The following CASZ1 variants were observed in gnomAD, a reference collection of about 807,000 sequenced individuals.
CASZ1 encodes the protein zinc finger protein castor homolog 1.
Under a neutral mutation model 135.2 loss-of-function variants are expected in CASZ1, and 28 were observed. That is an observed-to-expected ratio of 0.21 (90% confidence interval 0.15 to 0.28). The LOEUF is 0.28. Ranked by LOEUF, CASZ1 falls within the 10% of genes least tolerant of loss-of-function variation. The pLI is 1.00. For missense variants in CASZ1, 2,161 were observed against 2,453.3 expected (o/e 0.88, Z 2.52); for synonymous variants, 1,068 against 1,073.4 (o/e 0.99, Z 0.10).
Position 10,649,345 on chromosome 1 carries a change from G to T in CASZ1, c.2973C>A (p.Gly991=). ...SPAAEPSPFL[G]KAVKALVQEK... ...CCTGAACCAGCGCCTTCACGGCCTT[G>T]CCTAGGAAGGGCGAGGGCTCCGCAG... Residue 991 remains glycine (G), a synonymous_variant, in exon 14 of 21, where the codon GGC becomes GGA. Coordinates refer to ENST00000377022, the MANE Select transcript of CASZ1 (RefSeq NM_001079843.3). The T allele has an allele frequency of 6.2e-7, 1 of 1,600,696 alleles. No homozygotes were observed. The highest frequency in any genetic ancestry group is 8.5e-7 in the Non-Finnish European group (1 of 1,174,040).
In CASZ1 at chr1:10,648,032, A is replaced by C. The variant is rs1255046983; in HGVS notation, c.3266T>G (p.Val1089Gly). The change falls in exon 16 of 21, where the codon GTC becomes GGC. Residue 1089 changes from valine to glycine, a missense_variant. Val to Gly is a moderately radical substitution (Grantham distance 109). This residue lies in a region of CASZ1 where 349 missense variants were observed against 460.8 expected (regional missense o/e 0.76). Transcript: ENST00000377022. ...CACCGTGGCCGTGGTGACAGGAGGG[A>C]CCGGAGGGGACGAGGGGGCCATGGG... The part of the protein sequence containing the change: ...KPPMAPSSPP[V>G]PPVTTATVSS... The C allele has an allele frequency of 7.5e-6, 12 of 1,597,706 alleles. No individual in the cohort carries two copies. Among genetic ancestry groups the C allele is most frequent in the Non-Finnish European group, 1.0e-5 (12 of 1,172,218 alleles).
chr1:10,659,853 G>A lies in CASZ1; in HGVS notation c.1189C>T (p.Pro397Ser), dbSNP rs754239516. Residue 397 changes from proline to serine, a missense_variant, in exon 6 of 21, where the codon CCC becomes TCC. By Grantham distance (74) the Pro-to-Ser change is moderately conservative (BLOSUM62 -1). Coordinates refer to ENST00000377022, the MANE Select transcript of CASZ1 (RefSeq NM_001079843.3). ...AKVPPTPSLA[P>S]APLASVPSAP... The stretch of plus-strand genomic sequence containing the variant: ...CTGGGCACGCTGGCGAGGGGTGCGG[G>A]AGCCAGGCTGGGGGTGGGCGGAACC... 6.2e-7 allele frequency: 1 copy of A among 1,612,104 alleles called. No individual in the cohort carries two copies. The highest frequency in any genetic ancestry group is 1.1e-5 in the South Asian group (1 of 90,944).
rs1641032341 is a variant in CASZ1 at position 10,794,791 on chromosome 1, G to A, written c.-234+1773C>T. ...GCCCCCAAAGTGTCCCTCCAGCCGT[G>A]ATTGACGGCGCATACACCTGTTCCC... On this transcript the variant is annotated intron_variant, in intron 1 of 20. Transcript: ENST00000377022. This position sits in a 1 kb window ranked among gnomAD's most constrained non-coding sequence, Gnocchi z 5.6. 6.6e-6 allele frequency among the ~76,000 whole-genome samples: 1 copy of A among 152,160 alleles called. No homozygotes were observed. Among genetic ancestry groups the A allele is most frequent in the Non-Finnish European group, 1.5e-5 (1 of 68,022 alleles).
chr1:10,667,709 G>A (rs1643278044), intron 4 of CASZ1, among the ~76,000 whole-genome samples: 1 of 152,164 alleles, frequency 6.6e-6, no homozygotes, highest in Admixed American at 6.5e-5. Flanking sequence ...AAGTGTGGAT[G>A]GCAGACAGCA....
In CASZ1 at chr1:10,727,702, G is replaced by A. The variant is rs755289250; in HGVS notation, c.-76-22158C>T. Among the ~76,000 whole-genome samples the A allele has an allele frequency of 6.6e-6, 1 of 152,186 alleles. No homozygotes were observed. The highest frequency in any genetic ancestry group is 1.5e-5 in the Non-Finnish European group (1 of 68,016). ...TGCACCCTAGGGTTCAGGGTGCTAGGAAGCAAAAGTGGAGCTGAGAAGCTG... is the reference window on the plus strand; with the variant it reads ...TGCACCCTAGGGTTCAGGGTGCTAGAAAGCAAAAGTGGAGCTGAGAAGCTG... On this transcript the variant is annotated intron_variant, in intron 2 of 20. Coordinates refer to ENST00000377022, the MANE Select transcript of CASZ1 (RefSeq NM_001079843.3). This position sits in a 1 kb window ranked among gnomAD's most constrained non-coding sequence, Gnocchi z 5.3.
rs1270700677 is a variant in CASZ1, at chr1:10,646,339, C to G, written c.3498-13G>C. Reference sequence around the variant, plus strand: ...GAGGCAAGGATCGCTGGAAGGAAACCACAGCCCAGAAGGTCATTGCCATTC... The same window carrying G: ...GAGGCAAGGATCGCTGGAAGGAAACGACAGCCCAGAAGGTCATTGCCATTC... On this transcript the variant is annotated splice_polypyrimidine_tract_variant and intron_variant, in intron 16 of 20. Coordinates refer to ENST00000377022, the MANE Select transcript of CASZ1 (RefSeq NM_001079843.3). The surrounding 1 kb of genome is among the most constrained non-coding windows in gnomAD (Gnocchi z 6.4). 1.2e-6 allele frequency: 2 copies of G among 1,613,432 alleles called. No individual in the cohort carries two copies. Among genetic ancestry groups the G allele is most frequent in the Non-Finnish European group, 1.7e-6 (2 of 1,179,712 alleles).
At chr1:10,681,135 A>T (rs192468515) in intron 4 of CASZ1, among the ~76,000 whole-genome samples, 2 of 152,012 alleles carry the variant, frequency 1.3e-5, no homozygotes, top group Non-Finnish European at 2.9e-5. Flanking sequence ...TTCCAGCCTC[A>T]AGTGATCTGC....
intron 6 of CASZ1, 46 bp downstream of exon 6, chr1:10,659,656 A>G (rs1478338895): frequency 1.3e-6 from 2 of 1,493,464 alleles, no homozygotes; most frequent in African/African-American, 2.8e-5. Flanking sequence ...CCTCCTGTCT[A>G]GTCTGGCTCC....
rs28716527 is a variant in CASZ1 at position 10,658,341 on chromosome 1, C to T, written c.1409+167G>A. On this transcript the variant is annotated intron_variant, in intron 7 of 20. Transcript: ENST00000377022. The stretch of plus-strand genomic sequence containing the variant: ...GAGCGGAGGGAGGCTCCCAAACGGG[C>T]GTGCAGGGCAGCCCTCGGTGCGGTG... 13,722 of 618,532 alleles carry T rather than the reference C, an allele frequency of 0.022. 294 individuals are homozygous for T. Among genetic ancestry groups the T allele is most frequent in the East Asian group, 0.035 (1,255 of 36,038 alleles). 38.3% of individuals were successfully genotyped at this position (618,532 alleles called of 1,614,324 possible).
At position 10,767,061 on chromosome 1, in the gene CASZ1, G is replaced by A. The variant is rs1640489605; in HGVS notation, c.-233-6204C>T. ...GACTCGCTCTTCCCAAACTTCAGAA[G>A]GAAAACAGAAATCCTCTGCGCCCGT... is the stretch of plus-strand genomic sequence containing the variant. On this transcript the variant is annotated intron_variant, in intron 1 of 20. Coordinates refer to ENST00000377022, the MANE Select transcript of CASZ1 (RefSeq NM_001079843.3). This position sits in a 1 kb window ranked among gnomAD's most constrained non-coding sequence, Gnocchi z 4.2. Among the ~76,000 whole-genome samples, 2 of 152,254 alleles carry A rather than the reference G, an allele frequency of 1.3e-5. No homozygotes were observed. The highest frequency in any genetic ancestry group is 4.1e-4 in the South Asian group (2 of 4,832).
rs1482151726 is a variant in CASZ1, at chr1:10,636,646, T to G, written c.*2296A>C. On this transcript the variant is annotated 3_prime_UTR_variant, in exon 21 of 21. Coordinates refer to ENST00000377022, the MANE Select transcript of CASZ1 (RefSeq NM_001079843.3). Reference sequence around the variant, plus strand: ...TTGAGTGAAAATGTCAAACCTTGCATCAGTCATGCAAAAAAAAAAAAAAAA... The same window carrying G: ...TTGAGTGAAAATGTCAAACCTTGCAGCAGTCATGCAAAAAAAAAAAAAAAA... 1 of 136,650 alleles carries G rather than the reference T, an allele frequency of 7.3e-6. No homozygotes were observed. Among genetic ancestry groups the G allele is most frequent in the East Asian group, 2.1e-4 (1 of 4,866 alleles). 8.5% of individuals were successfully genotyped at this position (136,650 alleles called of 1,614,324 possible).
chr1:10,758,934 A>C (rs1325307535), intron 2 of CASZ1, among the ~76,000 whole-genome samples: 1 of 152,228 alleles, frequency 6.6e-6, no homozygotes, highest in Non-Finnish European at 1.5e-5. Flanking sequence ...AAGACAGCCG[A>C]TGCTAGGATA....
chr1:10,773,334 G>A (rs1174670441), intron 1 of CASZ1, among the ~76,000 whole-genome samples: 2 of 151,816 alleles, frequency 1.3e-5, no homozygotes, highest in Non-Finnish European at 2.9e-5. Flanking sequence ...ATCTTCAGGT[G>A]TGCCGGCTAC....
In CASZ1 at chr1:10,694,146, A is replaced by G. The variant is rs1557512920; in HGVS notation, c.-23-234T>C. Among the ~76,000 whole-genome samples the G allele has an allele frequency of 6.7e-6, 1 of 149,498 alleles. No individual in the cohort carries two copies. The highest frequency in any genetic ancestry group is 1.5e-5 in the Non-Finnish European group (1 of 67,244). On this transcript the variant is annotated intron_variant, in intron 3 of 20. Coordinates refer to ENST00000377022, the MANE Select transcript of CASZ1 (RefSeq NM_001079843.3). The surrounding 1 kb of genome is among the most constrained non-coding windows in gnomAD (Gnocchi z 6.6). ...CTGAGTTTCTCCAACTAAGGCAGCAACTCTCGGCCGGCGCGGCCCCGGCTT... is the reference window on the plus strand; with the variant it reads ...CTGAGTTTCTCCAACTAAGGCAGCAGCTCTCGGCCGGCGCGGCCCCGGCTT...
chr1:10,646,993 GT>G lies in CASZ1; in HGVS notation c.3498-668del, dbSNP rs2124672818. ...TGCAGAGGGGTGCAGGAGGACACTG[GT>G]CCCAGCCTTCAACTCTGGTTGGCAA... On this transcript the variant is annotated intron_variant, in intron 16 of 20. Transcript: ENST00000377022. The surrounding 1 kb of genome is among the most constrained non-coding windows in gnomAD (Gnocchi z 6.4). 6.6e-6 allele frequency among the ~76,000 whole-genome samples: 1 copy of G among 152,230 alleles called. No individual in the cohort carries two copies. The highest frequency in any genetic ancestry group is 6.5e-5 in the Admixed American group (1 of 15,302).
At chr1:10,698,566 C>G (rs1270777581) in intron 3 of CASZ1, among the ~76,000 whole-genome samples, 1 of 151,886 alleles carries the variant, frequency 6.6e-6, no homozygotes, top group African/African-American at 2.4e-5. Flanking sequence ...GAAAGGCCAG[C>G]AAAATCCTTG....
rs191629337 is a variant in CASZ1 at position 10,702,090 on chromosome 1, C to T, written c.-24+3402G>A. Among the ~76,000 whole-genome samples the T allele has an allele frequency of 1.6e-4, 24 of 152,318 alleles. No individual in the cohort carries two copies. The East Asian group carries it at 4.1e-3, about 26-fold the overall frequency. Reference sequence around the variant, plus strand: ...TCCGAGACGTCCCCTACCAAGCACTCGAATCACACAATCCTGAGATGAGTG... The same window carrying T: ...TCCGAGACGTCCCCTACCAAGCACTTGAATCACACAATCCTGAGATGAGTG... On this transcript the variant is annotated intron_variant, in intron 3 of 20. Transcript: ENST00000377022.
intron 1 of CASZ1, among the ~76,000 whole-genome samples, chr1:10,782,674 C>T (rs1352556524): frequency 6.6e-6 from 1 of 152,114 alleles, no homozygotes; most frequent in Non-Finnish European, 1.5e-5. Context: ...GTAAAATGTA[C>T]AGCTGGGTCT....
intron 2 of CASZ1, among the ~76,000 whole-genome samples, chr1:10,746,712 T>C (rs115085383): frequency 0.013 from 2,037 of 152,334 alleles, 42 homozygotes; most frequent in African/African-American, 0.041. Context: ...TGGCCTCATG[T>C]TGGGGCCACC....
Sources: gnomAD v4.1 joint callset for allele counts (sites outside exome capture counted in the v4.1 genomes callset) on GRCh38, gnomAD v4.1.1 for gene constraint, gnomAD v4.1.1 regional missense constraint, Gnocchi (gnomAD v3.1) non-coding constraint, MANE v1.5 for transcripts, NCBI Gene and HGNC (gene_info 2026-07-23, HGNC 2026-07-21) for gene names.